The following CPNE4 variants were observed in gnomAD, a reference collection of about 807,000 sequenced individuals.
CPNE4 encodes copine 4, also known as copine-4.
In CPNE4, 25 loss-of-function variants were observed where a neutral mutation model predicts 67.9. That is an observed-to-expected ratio of 0.37 (90% confidence interval 0.27 to 0.51). The LOEUF is 0.51. Among genes scored for constraint, CPNE4 ranks in the 20% least tolerant of loss-of-function variants. The pLI, the probability that CPNE4 is intolerant of heterozygous loss-of-function variation, is 0.93. For missense variants in CPNE4, 464 were observed against 690.8 expected, an observed-to-expected ratio of 0.67 and a Z score of 3.68; for synonymous variants, 242 against 244.9, an observed-to-expected ratio of 0.99 and a Z score of 0.11.
In CPNE4 at chr3:131,696,124, G is replaced by A. The variant is rs182007789; in HGVS notation, c.507+418C>T. Among the ~76,000 whole-genome samples, 565 of 152,240 alleles carry A rather than the reference G, an allele frequency of 3.7e-3. 3 individuals are homozygous for A. The highest frequency in any genetic ancestry group is 0.013 in the African/African-American group (524 of 41,546). On this transcript the variant is annotated intron_variant, in intron 5 of 15. Transcript: ENST00000429747. ...ATAAGTGGGCTGACTATTAATACGT[G>A]ATAAATAGGAGTTGTACAAATGAAT...
chr3:131,591,115 C>T (rs1052416877), intron 7 of CPNE4, among the ~76,000 whole-genome samples: 2 of 152,132 alleles, frequency 1.3e-5, no homozygotes. Flanking sequence ...GGCATTCACA[C>T]ACTCCTTACC....
intron 2 of CPNE4, among the ~76,000 whole-genome samples, chr3:131,864,850 A>G (rs1333723434): frequency 6.6e-6 from 1 of 152,094 alleles, no homozygotes; most frequent in Non-Finnish European, 1.5e-5. Context: ...GGTTTGTCAT[A>G]AATAGCTCTT....
At chr3:131,876,281 A>AATAAATAAATACATAC (rs1553794785) in intron 2 of CPNE4, among the ~76,000 whole-genome samples, 1 of 140,202 alleles carries the variant, frequency 7.1e-6, no homozygotes, top group African/African-American at 2.6e-5. Context: ...TAAATAAATA[A>AATAAATAAATACATAC]ATACGAATAC....
chr3:131,978,444 ATT>A lies in CPNE4; in HGVS notation c.-2+56121_-2+56122del, dbSNP rs1560723906. Among the ~76,000 whole-genome samples, 2 of 12,116 alleles carry A rather than the reference ATT, an allele frequency of 1.7e-4. 1 individual carries two copies. Among genetic ancestry groups the A allele is most frequent in the Non-Finnish European group, 2.4e-4 (2 of 8,326 alleles). 7.9% of individuals were successfully genotyped at this position (12,116 alleles called of 152,430 possible). A position where few individuals can be genotyped will look rare whatever the true frequency, so the allele number is the denominator to read the frequency against. Reference sequence around the variant, plus strand: ...TATATATATTTATATATTTATATATATTTATATATATATTTATATATATTTAT... The same window carrying A: ...TATATATATTTATATATTTATATATATATATATATATTTATATATATTTAT... On this transcript the variant is annotated intron_variant, in intron 1 of 15. Transcript: ENST00000429747.
chr3:131,745,231 CTT>C (rs1224675507), intron 2 of CPNE4, among the ~76,000 whole-genome samples: 5 of 152,194 alleles, frequency 3.3e-5, no homozygotes, highest in African/African-American at 9.6e-5. Context: ...CTTATGTCCT[CTT>C]TGATGAAACG....
intron 2 of CPNE4, among the ~76,000 whole-genome samples, chr3:131,873,589 G>A (rs903749977): frequency 1.2e-4 from 18 of 152,180 alleles, no homozygotes; most frequent in Admixed American, 6.5e-5. Context: ...GAAACACTTC[G>A]TTTAGCACAT....
intron 2 of CPNE4, among the ~76,000 whole-genome samples, chr3:131,799,909 TGTGTGTGTGTTGTGTGTGTG>T (rs1560339018): frequency 2.4e-5 from 2 of 84,146 alleles, no homozygotes; most frequent in African/African-American, 9.7e-5. Flanking sequence ...GGTGCGTGTG[TGTGTGTGTGTTGTGTGTGTG>T]TGTGTGTGTG....
intron 2 of CPNE4, among the ~76,000 whole-genome samples, chr3:131,867,079 T>C (rs569077642): frequency 6.6e-6 from 1 of 151,994 alleles, no homozygotes; most frequent in Non-Finnish European, 1.5e-5. Flanking sequence ...GAAATTCAGG[T>C]GAGAAGTCAA....
chr3:131,715,624 G>C (rs2081665472), intron 3 of CPNE4, among the ~76,000 whole-genome samples: 1 of 152,220 alleles, frequency 6.6e-6, no homozygotes, highest in Admixed American at 6.5e-5. Context: ...GTGCAGTATA[G>C]CAACAGCTTC....
chr3:131,663,209 G>A (rs1246502667), intron 7 of CPNE4, among the ~76,000 whole-genome samples: 3 of 151,794 alleles, frequency 2.0e-5, no homozygotes, highest in Non-Finnish European at 2.9e-5. Flanking sequence ...ACTAACACAT[G>A]AATAGAAAAC....
At chr3:131,899,288 G>A (rs898803925) in intron 2 of CPNE4, among the ~76,000 whole-genome samples, 5 of 152,108 alleles carry the variant, frequency 3.3e-5, no homozygotes, top group African/African-American at 4.8e-5. Flanking sequence ...TGTTAAGGAG[G>A]GAAGATGCTA....
intron 2 of CPNE4, among the ~76,000 whole-genome samples, chr3:131,900,636 A>G (rs1257903333): frequency 2.0e-5 from 3 of 152,150 alleles, no homozygotes; most frequent in South Asian, 2.1e-4. Flanking sequence ...GACACAAGCC[A>G]TAGTGCTCAA....
chr3:131,794,822 T>C (rs995410988), intron 2 of CPNE4, among the ~76,000 whole-genome samples: 1 of 152,170 alleles, frequency 6.6e-6, no homozygotes, highest in Admixed American at 6.5e-5. Flanking sequence ...TATGAGTGTG[T>C]AGCTTGTGTG....
intron 1 of CPNE4, among the ~76,000 whole-genome samples, chr3:131,943,393 C>T (rs2071457010): frequency 1.3e-5 from 2 of 152,062 alleles, no homozygotes; most frequent in Non-Finnish European, 2.9e-5. Context: ...TGTGATATGT[C>T]ATTGGATTGT....
At chr3:131,616,898 G>C (rs1380078608) in intron 7 of CPNE4, among the ~76,000 whole-genome samples, 3 of 152,182 alleles carry the variant, frequency 2.0e-5, no homozygotes, top group Non-Finnish European at 4.4e-5. Flanking sequence ...ATGAGCTCTG[G>C]CAATCCCTGT....
intron 1 of CPNE4, among the ~76,000 whole-genome samples, chr3:131,960,643 C>A (rs544671431): frequency 3.9e-5 from 6 of 152,310 alleles, no homozygotes; most frequent in African/African-American, 1.4e-4. Context: ...CCCTCAGGTC[C>A]TGCATGCTGA....
At chr3:131,806,565 A>C (rs1046324624) in intron 2 of CPNE4, among the ~76,000 whole-genome samples, 1 of 152,002 alleles carries the variant, frequency 6.6e-6, no homozygotes, top group African/African-American at 2.4e-5. Flanking sequence ...AAAAAAAAAA[A>C]AAAAGAAATA....
chr3:131,578,367 C>T (rs1937604451), intron 9 of CPNE4, among the ~76,000 whole-genome samples: 1 of 152,104 alleles, frequency 6.6e-6, no homozygotes, highest in Non-Finnish European at 1.5e-5. Flanking sequence ...GTTCTCACTG[C>T]TCCACCAACT....
chr3:131,624,805 A>C (rs1398101183), intron 7 of CPNE4, among the ~76,000 whole-genome samples: 1 of 152,096 alleles, frequency 6.6e-6, no homozygotes, highest in Non-Finnish European at 1.5e-5. Context: ...CTTTCCCTAC[A>C]CTCACATAGC....
Sources: gnomAD v4.1 joint callset for allele counts (sites outside exome capture counted in the v4.1 genomes callset) on GRCh38, gnomAD v4.1.1 for gene constraint, MANE v1.5 for transcripts, NCBI Gene and HGNC (gene_info 2026-07-23, HGNC 2026-07-21) for gene names.